GABRA2: variants seen among roughly 807,000 people sequenced by gnomAD.
GABRA2 encodes the protein gamma-aminobutyric acid receptor subunit alpha-2.
GABRA2 carries 16 observed loss-of-function variants against 48.7 expected under a neutral mutation model. The observed-to-expected ratio is 0.33, with a 90% CI of 0.22 to 0.50. The LOEUF is 0.50. Ranked by LOEUF, GABRA2 falls within the 20% of genes least tolerant of loss-of-function variation. The probability of loss-of-function intolerance (pLI) is 0.98; values close to 1 mark genes in which losing one functional copy is unlikely to be tolerated. For missense variants in GABRA2, 275 were observed against 535.6 expected (o/e 0.51, Z 4.80); for synonymous variants, 185 against 184.5 (o/e 1.00, Z -0.02).
At chr4:46,389,080 G>A in intron 1 of GABRA2, 2 of 1,012,898 alleles carry the variant, frequency 2.0e-6, no homozygotes, top group Non-Finnish European at 2.4e-6. Flanking sequence ...CATAGCAGCT[G>A]GAAAGGGAAT....
At chr4:46,270,799 T>C (rs1719172167) in intron 8 of GABRA2, among the ~76,000 whole-genome samples, 1 of 151,934 alleles carries the variant, frequency 6.6e-6, no homozygotes, top group Non-Finnish European at 1.5e-5. Flanking sequence ...GAGCAAATGA[T>C]GTCCAAGCAA....
rs1250689264 is a variant in GABRA2 at position 46,246,130 on chromosome 4, A to T, written c.*4178T>A. ...ATGATAGAATAACGACTCTTAAAATATTTGTGTGTCTACATATGTATAATT... is the reference window on the plus strand; with the variant it reads ...ATGATAGAATAACGACTCTTAAAATTTTTGTGTGTCTACATATGTATAATT... On this transcript the variant is annotated 3_prime_UTR_variant, in exon 10 of 10. Transcript: ENST00000381620. Among the ~76,000 whole-genome samples the T allele has an allele frequency of 1.3e-5, 2 of 151,066 alleles. No homozygotes were observed. The highest frequency in any genetic ancestry group is 3.0e-5 in the Non-Finnish European group (2 of 67,398).
intron 8 of GABRA2, among the ~76,000 whole-genome samples, chr4:46,284,646 A>G (rs1423616330): frequency 2.0e-5 from 3 of 152,182 alleles, no homozygotes; most frequent in Admixed American, 2.0e-4. Flanking sequence ...AGTCTCTAAT[A>G]TCAAGGCATA....
At chr4:46,325,990 G>C (rs996135962) in intron 4 of GABRA2, among the ~76,000 whole-genome samples, 1 of 151,940 alleles carries the variant, frequency 6.6e-6, no homozygotes, top group East Asian at 1.9e-4. Flanking sequence ...AGGGTAGTTT[G>C]AATCAGGGTA....
At chr4:46,326,023 C>A (rs991230856) in intron 4 of GABRA2, among the ~76,000 whole-genome samples, 1 of 151,950 alleles carries the variant, frequency 6.6e-6, no homozygotes, top group Non-Finnish European at 1.5e-5. Context: ...CAGCTTTGTT[C>A]TTTTGCTTAG....
Position 46,346,416 on chromosome 4 carries a change from C to T in GABRA2, c.188-13734G>A, listed in dbSNP as rs533330811. ...AGAGTTAAGAATAATAAAAAAAACT[C>T]GGCAAGTATTTTGTTTAGGTACAAT... On this transcript the variant is annotated intron_variant, in intron 3 of 9. Transcript: ENST00000381620. 1.3e-4 allele frequency among the ~76,000 whole-genome samples: 20 copies of T among 151,574 alleles called. No individual in the cohort carries two copies. The East Asian group carries it at 3.1e-3, about 24-fold the overall frequency.
chr4:46,336,457 C>T (rs1255512692), intron 3 of GABRA2, among the ~76,000 whole-genome samples: 2 of 152,098 alleles, frequency 1.3e-5, no homozygotes, highest in Non-Finnish European at 2.9e-5. Context: ...CAGAAATATC[C>T]ACCAGCTAAA....
intron 3 of GABRA2, among the ~76,000 whole-genome samples, chr4:46,347,359 T>C (rs1226231524): frequency 6.6e-6 from 1 of 151,914 alleles, no homozygotes; most frequent in Non-Finnish European, 1.5e-5. Flanking sequence ...AAAGTTATAG[T>C]AATCAAAACA....
chr4:46,275,394 T>C (rs574934365), intron 8 of GABRA2, among the ~76,000 whole-genome samples: 6 of 152,200 alleles, frequency 3.9e-5, no homozygotes, highest in African/African-American at 1.2e-4. Context: ...GTGATTCACA[T>C]CAAATGAAAC....
chr4:46,273,502 CATATATATAT>C (rs71637683), intron 8 of GABRA2, among the ~76,000 whole-genome samples: 28 of 48,142 alleles, frequency 5.8e-4, no homozygotes, highest in East Asian at 1.7e-3. Flanking sequence ...TATATATATG[CATATATATAT>C]ATATATATAT....
intron 8 of GABRA2, among the ~76,000 whole-genome samples, chr4:46,284,799 T>G (rs80276352): frequency 6.6e-6 from 1 of 151,906 alleles, no homozygotes; most frequent in East Asian, 1.9e-4. Flanking sequence ...TTAAAAAAAA[T>G]TCATTAAAAT....
chr4:46,389,557 C>T, intron 1 of GABRA2, 178 bp downstream of exon 1: 1 of 414,780 alleles, frequency 2.4e-6, no homozygotes, highest in Non-Finnish European at 3.2e-6. Flanking sequence ...AAATATGCTT[C>T]TGGTGATAAG....
rs960674833 is a variant in GABRA2, at chr4:46,299,566, G to GA, written c.856+3893dup. ...TAATAAAAAGCATATTTCCAAGATTGAAAAAAAAATGTGTTTGTTAAACAG... is the reference window on the plus strand; with the variant it reads ...TAATAAAAAGCATATTTCCAAGATTGAAAAAAAAAATGTGTTTGTTAAACAG... On this transcript the variant is annotated intron_variant, in intron 8 of 9. Coordinates refer to ENST00000381620, the MANE Select transcript of GABRA2 (RefSeq NM_000807.4). Among the ~76,000 whole-genome samples the GA allele has an allele frequency of 4.1e-4, 61 of 148,158 alleles. 1 individual carries two copies. The East Asian group carries it at 4.3e-3, about 10-fold the overall frequency.
chr4:46,279,025 A>G (rs1353205786), intron 8 of GABRA2, among the ~76,000 whole-genome samples: 1 of 151,858 alleles, frequency 6.6e-6, no homozygotes, highest in African/African-American at 2.4e-5. Context: ...TAATAAAGTG[A>G]ATTATCAAAA....
At chr4:46,331,368 A>C (rs1295420869) in intron 4 of GABRA2, among the ~76,000 whole-genome samples, 1 of 152,162 alleles carries the variant, frequency 6.6e-6, no homozygotes, top group Non-Finnish European at 1.5e-5. Flanking sequence ...GCTCTGATGG[A>C]ATAAACAGCA....
At chr4:46,366,588 G>A (rs374258926) in intron 3 of GABRA2, 8 of 152,194 alleles carry the variant, frequency 5.3e-5, no homozygotes, top group African/African-American at 1.7e-4. Context: ...CAAGTAATTG[G>A]TCTGCGGCTC....
intron 9 of GABRA2, among the ~76,000 whole-genome samples, chr4:46,255,789 TGG>T (rs1489508473): frequency 6.6e-6 from 1 of 151,612 alleles, no homozygotes; most frequent in Non-Finnish European, 1.5e-5. Flanking sequence ...TCTTACACCA[TGG>T]TGTCAAAACA....
chr4:46,328,099 A>C (rs1004070014), intron 4 of GABRA2, among the ~76,000 whole-genome samples: 1 of 152,044 alleles, frequency 6.6e-6, no homozygotes, highest in Non-Finnish European at 1.5e-5. Flanking sequence ...TGCCTACTAC[A>C]AACTTGGTCA....
Position 46,262,145 on chromosome 4 carries a change from A to G in GABRA2, c.857-17T>C, listed in dbSNP as rs1291983321. The G allele has an allele frequency of 1.9e-6, 3 of 1,610,582 alleles. No individual in the cohort carries two copies. Among genetic ancestry groups the G allele is most frequent in the Non-Finnish European group, 2.5e-6 (3 of 1,177,150 alleles). ...TTGTTACTCCTGCAAAAGAAAAGATAGGAATCGAAAACATCAATAGGTACT... is the reference window on the plus strand; with the variant it reads ...TTGTTACTCCTGCAAAAGAAAAGATGGGAATCGAAAACATCAATAGGTACT... On this transcript the variant is annotated splice_polypyrimidine_tract_variant and intron_variant, in intron 8 of 9. Transcript: ENST00000381620.
Sources: gnomAD v4.1 joint callset for allele counts (sites outside exome capture counted in the v4.1 genomes callset) on GRCh38, gnomAD v4.1.1 for gene constraint, MANE v1.5 for transcripts, NCBI Gene and HGNC (gene_info 2026-07-23, HGNC 2026-07-21) for gene names.